The following MBOAT2 variants were observed in gnomAD, a reference collection of about 807,000 sequenced individuals.
MBOAT2 encodes the protein membrane bound glycerophospholipid O-acyltransferase 2.
In MBOAT2, 28 loss-of-function variants were observed where a neutral mutation model predicts 63.4. The ratio of observed to expected loss-of-function variants is 0.44; its 90% confidence interval spans 0.33 to 0.61. MBOAT2 has a LOEUF of 0.61. MBOAT2 is among the 20% of genes least tolerant of loss of function. MBOAT2 has a pLI of 0.03. For missense variants in MBOAT2, 470 were observed against 605.8 expected (o/e 0.78, Z 2.35); for synonymous variants, 211 against 215.6 (o/e 0.98, Z 0.19).
At chr2:8,874,753 G>T (rs982103751) in intron 7 of MBOAT2, among the ~76,000 whole-genome samples, 4 of 152,188 alleles carry the variant, frequency 2.6e-5, no homozygotes, top group African/African-American at 4.8e-5. Flanking sequence ...GACAGAGACT[G>T]CCAAGTGTTT....
intron 4 of MBOAT2, among the ~76,000 whole-genome samples, chr2:8,895,914 T>C (rs1208316823): frequency 1.3e-5 from 2 of 152,162 alleles, no homozygotes; most frequent in Non-Finnish European, 2.9e-5. Context: ...GGAGAAGCCA[T>C]GTTGCCCAAC....
At chr2:8,899,296 A>C (rs371812335) in intron 4 of MBOAT2, among the ~76,000 whole-genome samples, 4 of 152,230 alleles carry the variant, frequency 2.6e-5, no homozygotes, top group African/African-American at 9.7e-5. Context: ...AGGCATAACA[A>C]GGCAGGCATG....
At chr2:8,934,723 A>G (rs939526797) in intron 3 of MBOAT2, among the ~76,000 whole-genome samples, 8 of 152,200 alleles carry the variant, frequency 5.3e-5, no homozygotes, top group Non-Finnish European at 1.0e-4. Flanking sequence ...AAAACAATCT[A>G]AAGTCCATTT....
Position 8,858,566 on chromosome 2 carries a change from T to C in MBOAT2, c.*113A>G. 4.1e-6 allele frequency: 3 copies of C among 738,468 alleles called. No homozygotes were observed. The highest frequency in any genetic ancestry group is 2.8e-5 in the Admixed American group (1 of 35,534). 45.7% of individuals were successfully genotyped at this position (738,468 alleles called of 1,614,324 possible). A position where few individuals can be genotyped will look rare whatever the true frequency, so the allele number is the denominator to read the frequency against. ...ACAGGAAATTCCTTATCTATAACTG[T>C]CCATTTCCCCCCAGTTAACTGCTTT... On this transcript the variant is annotated 3_prime_UTR_variant, in exon 13 of 13. Coordinates refer to ENST00000305997, the MANE Select transcript of MBOAT2 (RefSeq NM_138799.4).
intron 5 of MBOAT2, among the ~76,000 whole-genome samples, chr2:8,884,507 T>A (rs1663402394): frequency 1.4e-5 from 2 of 148,130 alleles, no homozygotes; most frequent in South Asian, 4.2e-4. Flanking sequence ...AAAAGAGCCA[T>A]CTTTAGAAAT....
intron 2 of MBOAT2, among the ~76,000 whole-genome samples, chr2:8,950,462 C>T (rs1668750975): frequency 6.6e-6 from 1 of 152,158 alleles, no homozygotes; most frequent in Non-Finnish European, 1.5e-5. Context: ...CAGTCTCGCT[C>T]TGTCACTCAG....
intron 11 of MBOAT2, among the ~76,000 whole-genome samples, chr2:8,861,360 C>G (rs1279748470): frequency 6.6e-6 from 1 of 152,108 alleles, no homozygotes; most frequent in African/African-American, 2.4e-5. Flanking sequence ...GGGAGGAGGG[C>G]AGTGGTAGAA....
intron 5 of MBOAT2, among the ~76,000 whole-genome samples, chr2:8,887,530 C>A (rs895426588): frequency 6.6e-6 from 1 of 152,118 alleles, no homozygotes. Flanking sequence ...GGAATCAGAG[C>A]CCAAATCTCA....
At position 8,946,420 on chromosome 2, in the gene MBOAT2, TAAAAG is replaced by T. The variant is rs569974587; in HGVS notation, c.222-3161_222-3157del. On this transcript the variant is annotated intron_variant, in intron 2 of 12. Coordinates refer to ENST00000305997, the MANE Select transcript of MBOAT2 (RefSeq NM_138799.4). ...AAAAGGAACTTGCAGATGATTGTTT[TAAAAG>T]AAAAAAGCTAAGACCAAAGAGAAGC... Among the ~76,000 whole-genome samples, 253 of 152,286 alleles carry T rather than the reference TAAAAG, an allele frequency of 1.7e-3. 4 individuals are homozygous for T. Among genetic ancestry groups the T allele is most frequent in the Admixed American group, 2.0e-3 (30 of 15,296 alleles).
At chr2:8,918,734 C>T (rs1288454121) in intron 3 of MBOAT2, among the ~76,000 whole-genome samples, 3 of 152,166 alleles carry the variant, frequency 2.0e-5, no homozygotes, top group African/African-American at 7.2e-5. Flanking sequence ...AAAAGGCTTG[C>T]AAGCCTCGCT....
chr2:8,944,644 G>C (rs1668282759), intron 2 of MBOAT2, among the ~76,000 whole-genome samples: 1 of 140,112 alleles, frequency 7.1e-6, no homozygotes, highest in Non-Finnish European at 1.5e-5. Context: ...CTATCTGTTT[G>C]ACTGACACAC....
chr2:8,914,531 A>C (rs1395883280), intron 3 of MBOAT2, among the ~76,000 whole-genome samples: 6 of 151,952 alleles, frequency 3.9e-5, no homozygotes, highest in Non-Finnish European at 8.8e-5. Flanking sequence ...AGAATCAACG[A>C]GCTATACGGA....
At chr2:8,979,724 G>A (rs1380565317) in intron 1 of MBOAT2, among the ~76,000 whole-genome samples, 2 of 152,018 alleles carry the variant, frequency 1.3e-5, no homozygotes, top group African/African-American at 2.4e-5. Flanking sequence ...TAAATCACAC[G>A]TTTTTGACTT....
intron 8 of MBOAT2, among the ~76,000 whole-genome samples, chr2:8,870,033 C>T (rs1662200602): frequency 6.6e-6 from 1 of 152,166 alleles, no homozygotes; most frequent in Non-Finnish European, 1.5e-5. Context: ...CCCCAGTCTC[C>T]CACCACAGAC....
At chr2:8,863,565 C>G (rs746382443) in intron 10 of MBOAT2, among the ~76,000 whole-genome samples, 10 of 152,152 alleles carry the variant, frequency 6.6e-5, no homozygotes, top group African/African-American at 9.7e-5. Flanking sequence ...GCTCAAGCAC[C>G]CACACTTGTA....
intron 3 of MBOAT2, among the ~76,000 whole-genome samples, chr2:8,933,305 A>G (rs1667448936): frequency 6.6e-6 from 1 of 152,200 alleles, no homozygotes; most frequent in African/African-American, 2.4e-5. Context: ...ATTATTTTCA[A>G]GATCAGATAT....
Position 8,884,662 on chromosome 2 carries a change from A to G in MBOAT2, c.452-2097T>C, listed in dbSNP as rs139185466. Among the ~76,000 whole-genome samples the G allele has an allele frequency of 2.0e-5, 3 of 152,298 alleles. No homozygotes were observed. In the East Asian group the frequency reaches 5.8e-4, roughly 29 times the overall value. ...TCATTATATTTAGTCAGCATTTCCAAGTGTTTGGCATAGGGTGGGCCTCTA... is the reference window on the plus strand; with the variant it reads ...TCATTATATTTAGTCAGCATTTCCAGGTGTTTGGCATAGGGTGGGCCTCTA... On this transcript the variant is annotated intron_variant, in intron 5 of 12. Transcript: ENST00000305997.
chr2:8,888,835 C>T (rs904499330), intron 4 of MBOAT2, among the ~76,000 whole-genome samples: 7 of 151,970 alleles, frequency 4.6e-5, no homozygotes, highest in African/African-American at 1.7e-4. Context: ...TGAGACCACC[C>T]TGGTCAACAC....
intron 2 of MBOAT2, among the ~76,000 whole-genome samples, chr2:8,957,287 T>TATC (rs1269444152): frequency 4.6e-5 from 7 of 152,158 alleles, no homozygotes. Context: ...GTTTAAATAG[T>TATC]ATCACCTGAG....
Sources: allele counts gnomAD v4.1 joint callset (sites outside exome capture counted in the v4.1 genomes callset), GRCh38; gene constraint gnomAD v4.1.1; transcripts MANE v1.5; gene names NCBI Gene and HGNC (gene_info 2026-07-23, HGNC 2026-07-21).